The following KIF1B variants were observed in gnomAD, a reference collection of about 807,000 sequenced individuals.
KIF1B encodes kinesin-like protein KIF1B.
KIF1B carries 76 observed loss-of-function variants against 241.9 expected under a neutral mutation model. That is an observed-to-expected ratio of 0.31 (90% confidence interval 0.26 to 0.38). The LOEUF is 0.38. KIF1B is among the 10% of genes least tolerant of loss of function. The pLI, the probability that KIF1B is intolerant of heterozygous loss-of-function variation, is 1.00. For missense variants in KIF1B, 1,622 were observed against 2,271.4 expected, an observed-to-expected ratio of 0.71 and a Z score of 5.81; for synonymous variants, 750 against 796.7, an observed-to-expected ratio of 0.94 and a Z score of 0.99.
In KIF1B at chr1:10,342,180, A is replaced by T; in HGVS notation, c.3632+12A>T. 1.4e-6 allele frequency: 2 copies of T among 1,472,982 alleles called. No individual in the cohort carries two copies. Among genetic ancestry groups the T allele is most frequent in the Non-Finnish European group, 1.9e-6 (2 of 1,051,094 alleles). 91.2% of individuals were successfully genotyped at this position (1,472,982 alleles called of 1,614,324 possible). A position where few individuals can be genotyped will look rare whatever the true frequency, so the allele number is the denominator to read the frequency against. ...CAGGAGCTTAACAGGTTTGGACCAG[A>T]TAAGCAAACATTTTTGATGGTATTG... On this transcript the variant is annotated intron_variant, in intron 33 of 48. Transcript: ENST00000676179.
chr1:10,364,024 T>C lies in KIF1B; in HGVS notation c.4366+680T>C, dbSNP rs116612956. On this transcript the variant is annotated intron_variant, in intron 41 of 48. Transcript: ENST00000676179. ...TAGTTTCTTGAGGAATTTTTTTAAT[T>C]AATATAAATTCATGTATTTAATATG... Among the ~76,000 whole-genome samples, 1,222 of 152,120 alleles carry C rather than the reference T, an allele frequency of 8.0e-3. 20 individuals are homozygous for C. Among genetic ancestry groups the C allele is most frequent in the African/African-American group, 0.028 (1,167 of 41,490 alleles).
chr1:10,339,538 C>G (rs999566374), intron 31 of KIF1B, among the ~76,000 whole-genome samples: 2 of 152,204 alleles, frequency 1.3e-5, no homozygotes, highest in African/African-American at 4.8e-5. Flanking sequence ...GCATATACCT[C>G]CATATAGCTA....
At chr1:10,258,894 G>A (rs779262439) in intron 4 of KIF1B, among the ~76,000 whole-genome samples, 7 of 152,180 alleles carry the variant, frequency 4.6e-5, no homozygotes, top group Non-Finnish European at 1.0e-4. Context: ...TCAGTGTTTT[G>A]TAATGATTTT....
chr1:10,304,258 A>T (rs778184976), intron 22 of KIF1B: 1 of 1,614,218 alleles, frequency 6.2e-7, no homozygotes, highest in East Asian at 2.2e-5. Context: ...CTCTCAAGGA[A>T]TGAGAAGTCA....
chr1:10,232,698 T>C (rs772337040), intron 2 of KIF1B, among the ~76,000 whole-genome samples: 1 of 152,210 alleles, frequency 6.6e-6, no homozygotes, highest in African/African-American at 2.4e-5. Flanking sequence ...AAGTTGAAAT[T>C]TTAATGATAA....
Position 10,321,782 on chromosome 1 carries a change from A to C in KIF1B, c.2283A>C (p.Ser761=), listed in dbSNP as rs1349158879. ...FRKWKSHQFT[S]LRDLLWGNAV... is the part of the protein sequence containing the mutation. The stretch of plus-strand genomic sequence containing the variant: ...AATGGAAGTCTCATCAGTTTACTTC[A>C]TTACGGGACTTACTCTGGGGCAATG... The change falls in exon 24 of 49, where the codon TCA becomes TCC. Residue 761 remains serine, a synonymous_variant. Transcript: ENST00000676179. 1 of 1,614,102 alleles carries C rather than the reference A, an allele frequency of 6.2e-7. No homozygotes were observed. The highest frequency in any genetic ancestry group is 8.5e-7 in the Non-Finnish European group (1 of 1,180,024).
rs777798549 is a variant in KIF1B, at chr1:10,278,144, A to T, written c.1180+16A>T. The T allele has an allele frequency of 5.0e-6, 8 of 1,612,706 alleles. No homozygotes were observed. In the African/African-American group the frequency reaches 8.0e-5, roughly 16 times the overall value. On this transcript the variant is annotated intron_variant, in intron 13 of 48. Coordinates refer to ENST00000676179, the MANE Select transcript of KIF1B (RefSeq NM_001365951.3). ...ATTATTGATAGTAAGTGAATTAAGG[A>T]TCGTTACAAAATCTAATCCTTTCTT...
At chr1:10,295,525 T>C in intron 18 of KIF1B, 135 bp from the exon 19 acceptor site, 1 of 791,300 alleles carries the variant, frequency 1.3e-6, no homozygotes, top group Non-Finnish European at 2.2e-6. Context: ...GAATTCATAG[T>C]TGAAAGCTTC....
At chr1:10,306,145 T>A (rs1650817958) in intron 22 of KIF1B, 1 of 1,040,740 alleles carries the variant, frequency 9.6e-7, no homozygotes, top group Admixed American at 5.6e-5. Flanking sequence ...GAAAGTTGCT[T>A]CCAATTAATG....
At chr1:10,336,604 C>T in intron 28 of KIF1B, 53 bp from the exon 29 acceptor site, 1 of 1,399,084 alleles carries the variant, frequency 7.1e-7, no homozygotes, top group Non-Finnish European at 1.0e-6. Flanking sequence ...TTTTTCCCTC[C>T]CTCCCCCTGT....
chr1:10,278,330 C>G (rs897688042), intron 13 of KIF1B, among the ~76,000 whole-genome samples: 3 of 152,070 alleles, frequency 2.0e-5, no homozygotes, highest in Non-Finnish European at 4.4e-5. Context: ...GTAATGTGTA[C>G]CAGACTATCC....
intron 1 of KIF1B, among the ~76,000 whole-genome samples, chr1:10,217,820 A>G (rs1571082885): frequency 6.6e-6 from 1 of 151,806 alleles, no homozygotes; most frequent in South Asian, 2.1e-4. Context: ...TGCTGATTAC[A>G]TTCTCGATTC....
intron 22 of KIF1B, among the ~76,000 whole-genome samples, chr1:10,309,708 A>C (rs796884909): frequency 2.6e-5 from 4 of 151,534 alleles, no homozygotes; most frequent in African/African-American, 9.8e-5. Flanking sequence ...TGACCCCTAT[A>C]ATCCAATGTC....
intron 2 of KIF1B, among the ~76,000 whole-genome samples, chr1:10,240,677 A>G (rs1647123310): frequency 6.6e-6 from 1 of 151,652 alleles, no homozygotes; most frequent in Non-Finnish European, 1.5e-5. Flanking sequence ...TGAAAAATCA[A>G]TATAAAAATG....
chr1:10,226,281 C>A (rs1244361565), intron 1 of KIF1B, among the ~76,000 whole-genome samples: 1 of 152,084 alleles, frequency 6.6e-6, no homozygotes. Flanking sequence ...ATAGAGGTTT[C>A]GGCTTTAGTT....
In KIF1B at chr1:10,365,710, G is replaced by A. The variant is rs573078413; in HGVS notation, c.4752+62G>A. On this transcript the variant is annotated intron_variant, in intron 43 of 48. Coordinates refer to ENST00000676179, the MANE Select transcript of KIF1B (RefSeq NM_001365951.3). The surrounding 1 kb of genome is among the most constrained non-coding windows in gnomAD (Gnocchi z 4.0). ...CAAGGCTCCACAAACTAGCCTCTCG[G>A]TTTATTCATTTTCAACACCTTTGTT... 3 of 1,607,894 alleles carry A rather than the reference G, an allele frequency of 1.9e-6. No homozygotes were observed. The highest frequency in any genetic ancestry group is 2.5e-6 in the Non-Finnish European group (3 of 1,178,020).
At chr1:10,292,712 G>A (rs539275933) in intron 17 of KIF1B, among the ~76,000 whole-genome samples, 1 of 152,136 alleles carries the variant, frequency 6.6e-6, no homozygotes, top group African/African-American at 2.4e-5. Flanking sequence ...AAGTAGTTAC[G>A]TAGCTTTTAG....
chr1:10,258,175 T>C (rs1026266003), intron 3 of KIF1B, among the ~76,000 whole-genome samples: 2 of 152,254 alleles, frequency 1.3e-5, no homozygotes, highest in African/African-American at 4.8e-5. Context: ...TAAGAAAATC[T>C]TGGCTGTGTG....
chr1:10,319,947 G>T, intron 22 of KIF1B, 96 bp from the exon 23 acceptor site: 1 of 784,552 alleles, frequency 1.3e-6, no homozygotes. Flanking sequence ...CTTGTCCTTT[G>T]CTTTCTCTAC....
Sources: gnomAD v4.1 joint callset for allele counts (sites outside exome capture counted in the v4.1 genomes callset) on GRCh38, gnomAD v4.1.1 for gene constraint, Gnocchi (gnomAD v3.1) non-coding constraint, MANE v1.5 for transcripts, NCBI Gene and HGNC (gene_info 2026-07-23, HGNC 2026-07-21) for gene names.